KLHL32: variants seen among roughly 807,000 people sequenced by gnomAD.
KLHL32 encodes kelch-like protein 32.
A neutral mutation model predicts 64.8 loss-of-function variants in KLHL32; 35 were observed. That is an observed-to-expected ratio of 0.54 (90% confidence interval 0.41 to 0.72). KLHL32 has a LOEUF of 0.72. KLHL32 is among the 30% of genes least tolerant of loss of function. The pLI, the probability that KLHL32 is intolerant of heterozygous loss-of-function variation, is 0.00. For missense variants in KLHL32, 589 were observed against 768.5 expected (o/e 0.77, Z 2.76); for synonymous variants, 259 against 281.0 (o/e 0.92, Z 0.78).
chr6:96,981,336 T>C (rs1776286081), intron 3 of KLHL32, among the ~76,000 whole-genome samples: 1 of 152,152 alleles, frequency 6.6e-6, no homozygotes, highest in African/African-American at 2.4e-5. Context: ...AATTATATCT[T>C]GTGCACATAG....
chr6:97,041,631 A>C (rs1222860715), intron 4 of KLHL32, 32 bp downstream of exon 4: 1 of 1,264,402 alleles, frequency 7.9e-7, no homozygotes, highest in South Asian at 1.2e-5. Flanking sequence ...GTAAAGTTTA[A>C]CATTTCAACT....
At chr6:97,068,259 C>G (rs745763241) in intron 5 of KLHL32, among the ~76,000 whole-genome samples, 3 of 152,024 alleles carry the variant, frequency 2.0e-5, no homozygotes, top group South Asian at 4.2e-4. Context: ...TTTATGTGCA[C>G]CAAGTATCAT....
chr6:97,095,286 T>C (rs920913900), intron 6 of KLHL32, among the ~76,000 whole-genome samples: 4 of 152,234 alleles, frequency 2.6e-5, no homozygotes, highest in African/African-American at 4.8e-5. Context: ...TGGGACTATG[T>C]ACTCTTTGGA....
At chr6:96,966,571 G>A (rs1774481675) in intron 1 of KLHL32, among the ~76,000 whole-genome samples, 1 of 152,052 alleles carries the variant, frequency 6.6e-6, no homozygotes, top group South Asian at 2.1e-4. Context: ...TTAGCCATGA[G>A]GTACTTGATT....
Position 97,085,137 on chromosome 6 carries a change from C to T in KLHL32, c.423C>T (p.Ser141=), listed in dbSNP as rs774285968. The change falls in exon 6 of 11, where the codon AGC becomes AGT. Residue 141 remains serine, a synonymous_variant. Transcript: ENST00000369261. ...CSHYLIQELN[S]FNYLDLYRLA... is the part of the protein sequence containing the mutation. Reference sequence around the variant, plus strand: ...TTTTTGGCACCCAGGAATTAAATAGCTTTAATTACTTGGATCTGTACAGAC... The same window carrying T: ...TTTTTGGCACCCAGGAATTAAATAGTTTTAATTACTTGGATCTGTACAGAC... 1.8e-5 allele frequency: 29 copies of T among 1,611,832 alleles called. No homozygotes were observed. In the Admixed American group the frequency reaches 4.7e-4, roughly 26 times the overall value.
chr6:96,924,297 G>A (rs1459721869), upstream of KLHL32, among the ~76,000 whole-genome samples: 1 of 152,282 alleles, frequency 6.6e-6, no homozygotes, highest in East Asian at 1.9e-4. Flanking sequence ...TGGGAAAGGA[G>A]TCTGGGGGCG....
chr6:96,903,685 C>T, the KLHL32 span, among the ~76,000 whole-genome samples: 1 of 152,122 alleles, frequency 6.6e-6, no homozygotes, highest in Non-Finnish European at 1.5e-5. Flanking sequence ...CCCCTGAGCT[C>T]CAGAAATTAA....
At chr6:96,989,431 T>G (rs1777571686) in intron 3 of KLHL32, among the ~76,000 whole-genome samples, 1 of 152,200 alleles carries the variant, frequency 6.6e-6, no homozygotes, top group Admixed American at 6.5e-5. Flanking sequence ...GGCCCCAATC[T>G]CTTCAGGCTT....
At chr6:97,021,569 A>G (rs1781985176) in intron 3 of KLHL32, among the ~76,000 whole-genome samples, 1 of 150,936 alleles carries the variant, frequency 6.6e-6, no homozygotes, top group Non-Finnish European at 1.5e-5. Flanking sequence ...TATTCAGTCT[A>G]CTGATTAACA....
intron 3 of KLHL32, among the ~76,000 whole-genome samples, chr6:97,001,867 C>CT (rs1210305171): frequency 6.6e-6 from 1 of 152,170 alleles, no homozygotes; most frequent in Non-Finnish European, 1.5e-5. Flanking sequence ...TGCCGTTCAT[C>CT]TAGACGTATG....
At chr6:97,104,266 G>A (rs1796115100) in intron 6 of KLHL32, among the ~76,000 whole-genome samples, 1 of 152,200 alleles carries the variant, frequency 6.6e-6, no homozygotes, top group Non-Finnish European at 1.5e-5. Context: ...ACATGTGGCA[G>A]GTCTGAGGGT....
chr6:97,035,329 C>A (rs1319494085), intron 3 of KLHL32, among the ~76,000 whole-genome samples: 1 of 152,008 alleles, frequency 6.6e-6, no homozygotes, highest in African/African-American at 2.4e-5. Context: ...AAATTTTGGT[C>A]TTTTATCTTT....
At chr6:96,994,346 C>A (rs898577503) in intron 3 of KLHL32, 6 of 300,372 alleles carry the variant, frequency 2.0e-5, no homozygotes, top group Non-Finnish European at 2.9e-5. Flanking sequence ...GAAATGTTTT[C>A]TAATATTTTA....
chr6:96,957,938 T>C (rs1336604094), intron 1 of KLHL32, among the ~76,000 whole-genome samples: 2 of 152,218 alleles, frequency 1.3e-5, no homozygotes, highest in Non-Finnish European at 2.9e-5. Flanking sequence ...ATGCTCCTCA[T>C]TTTTAAAACA....
chr6:97,048,012 A>G (rs1786199188), intron 4 of KLHL32, among the ~76,000 whole-genome samples: 1 of 152,216 alleles, frequency 6.6e-6, no homozygotes, highest in Non-Finnish European at 1.5e-5. Flanking sequence ...TATACACTAT[A>G]TGCCAAGCAC....
At chr6:96,945,509 C>A (rs1257840622) in intron 1 of KLHL32, among the ~76,000 whole-genome samples, 4 of 152,168 alleles carry the variant, frequency 2.6e-5, no homozygotes, top group African/African-American at 9.7e-5. Context: ...CAGCACAGTG[C>A]CTACCACTCA....
intron 7 of KLHL32, among the ~76,000 whole-genome samples, chr6:97,119,072 T>G (rs1025370080): frequency 3.3e-5 from 5 of 152,164 alleles, no homozygotes; most frequent in African/African-American, 1.2e-4. Context: ...GTCCAATCAC[T>G]TCAATAATTA....
intron 1 of KLHL32, among the ~76,000 whole-genome samples, chr6:96,942,654 GGTGTGTGT>G (rs373680196): frequency 3.0e-4 from 44 of 144,288 alleles, no homozygotes; most frequent in Middle Eastern, 3.5e-3. Context: ...ACAGCTGTGG[GGTGTGTGT>G]GTGTGTGTGT....
At chr6:96,949,949 T>C (rs1465126953) in intron 1 of KLHL32, among the ~76,000 whole-genome samples, 1 of 152,140 alleles carries the variant, frequency 6.6e-6, no homozygotes, top group Non-Finnish European at 1.5e-5. Flanking sequence ...GTGTTTTGAG[T>C]GCTCATTATA....
Sources: allele counts gnomAD v4.1 joint callset (sites outside exome capture counted in the v4.1 genomes callset), GRCh38; gene constraint gnomAD v4.1.1; transcripts MANE v1.5; gene names NCBI Gene and HGNC (gene_info 2026-07-23, HGNC 2026-07-21).